Variants in LRMDA observed in about 807,000 individuals in gnomAD.
LRMDA encodes the protein leucine rich melanocyte differentiation associated.
LRMDA carries 18 observed loss-of-function variants against 29.8 expected under a neutral mutation model. The ratio of observed to expected loss-of-function variants is 0.60; its 90% CI spans 0.42 to 0.90. The LOEUF is 0.90. Ranked by LOEUF, LRMDA falls within the 40% of genes least tolerant of loss-of-function variation. The probability of loss-of-function intolerance (pLI) is 0.00; values close to 1 mark genes in which losing one functional copy is unlikely to be tolerated. For synonymous variants in LRMDA, 125 were observed against 109.4 expected, an observed-to-expected ratio of 1.14 and a Z score of -0.89; for missense variants, 273 against 273.9, an observed-to-expected ratio of 1.00 and a Z score of 0.02.
chr10:76,321,932 G>A (rs1840776520), intron 5 of LRMDA, among the ~76,000 whole-genome samples: 1 of 148,878 alleles, frequency 6.7e-6, no homozygotes, highest in African/African-American at 2.6e-5. Flanking sequence ...GCAAGAGAGT[G>A]AGATTCTGTC....
At chr10:76,373,249 CCTT>C (rs1422699982) in intron 6 of LRMDA, among the ~76,000 whole-genome samples, 2 of 152,030 alleles carry the variant, frequency 1.3e-5, no homozygotes, top group Non-Finnish European at 2.9e-5. Context: ...AAGCTTAATT[CCTT>C]CTTAGTAGAA....
intron 6 of LRMDA, among the ~76,000 whole-genome samples, chr10:76,369,561 A>T (rs1841429340): frequency 6.6e-6 from 1 of 152,072 alleles, no homozygotes; most frequent in South Asian, 2.1e-4. Flanking sequence ...CTTCATCTTA[A>T]ATTTGGATAA....
intron 2 of LRMDA, among the ~76,000 whole-genome samples, chr10:75,855,138 G>A (rs201226738): frequency 5.3e-5 from 8 of 152,242 alleles, no homozygotes; most frequent in South Asian, 2.1e-4. Flanking sequence ...CTGAGGAATC[G>A]CCAGACTGAC....
chr10:76,059,499 T>C (rs1848670306), intron 5 of LRMDA, among the ~76,000 whole-genome samples: 1 of 152,212 alleles, frequency 6.6e-6, no homozygotes. Flanking sequence ...TTGGGAGTCC[T>C]TCAGTGAAGC....
chr10:75,900,137 C>T (rs969408007), intron 2 of LRMDA, among the ~76,000 whole-genome samples: 3 of 152,120 alleles, frequency 2.0e-5, no homozygotes, highest in Admixed American at 1.3e-4. Flanking sequence ...ATACCAGAAG[C>T]GGACATATTT....
chr10:76,218,489 G>A (rs796402489), intron 5 of LRMDA, among the ~76,000 whole-genome samples: 2 of 152,326 alleles, frequency 1.3e-5, no homozygotes, highest in African/African-American at 4.8e-5. Flanking sequence ...GTAAGAAATT[G>A]TTTAAATAAA....
At chr10:75,449,119 T>A (rs528633152) in intron 2 of LRMDA, among the ~76,000 whole-genome samples, 1 of 131,468 alleles carries the variant, frequency 7.6e-6, no homozygotes, top group Admixed American at 9.4e-5. Context: ...GCCACTGCAC[T>A]CCAGCCTGGG....
chr10:76,533,711 T>G (rs973600476), intron 6 of LRMDA, among the ~76,000 whole-genome samples: 7 of 152,226 alleles, frequency 4.6e-5, no homozygotes, highest in Admixed American at 4.6e-4. Context: ...GCATTGCCAG[T>G]TATTTAAGTA....
intron 5 of LRMDA, among the ~76,000 whole-genome samples, chr10:76,207,507 T>G: frequency 6.6e-6 from 1 of 152,164 alleles, no homozygotes; most frequent in Middle Eastern, 3.2e-3. Context: ...TATTTTTGGT[T>G]GGGGGATGGG....
chr10:75,519,577 T>A (rs1007261925), intron 2 of LRMDA, among the ~76,000 whole-genome samples: 3 of 152,254 alleles, frequency 2.0e-5, no homozygotes, highest in Non-Finnish European at 4.4e-5. Flanking sequence ...TGTGTGTCTC[T>A]GCACTTGAGA....
chr10:76,053,416 T>C (rs1026515271), intron 4 of LRMDA, among the ~76,000 whole-genome samples: 1 of 152,224 alleles, frequency 6.6e-6, no homozygotes, highest in African/African-American at 2.4e-5. Flanking sequence ...AAAGAGATTT[T>C]GGTGCAACAA....
At chr10:76,395,593 C>T (rs896623292) in intron 6 of LRMDA, among the ~76,000 whole-genome samples, 2 of 152,182 alleles carry the variant, frequency 1.3e-5, no homozygotes, top group Non-Finnish European at 2.9e-5. Flanking sequence ...TGAATTAGAG[C>T]CATTTGTGTT....
intron 2 of LRMDA, among the ~76,000 whole-genome samples, chr10:75,535,791 G>T (rs1046515057): frequency 2.6e-5 from 4 of 152,180 alleles, no homozygotes; most frequent in Non-Finnish European, 4.4e-5. Flanking sequence ...TCTGCCTCAG[G>T]TTCCGGATGC....
intron 2 of LRMDA, among the ~76,000 whole-genome samples, chr10:75,870,259 T>C (rs752710334): frequency 1.3e-5 from 2 of 152,246 alleles, no homozygotes; most frequent in Non-Finnish European, 1.5e-5. Context: ...CATTTTGGTA[T>C]TGCCTGTGAC....
intron 6 of LRMDA, among the ~76,000 whole-genome samples, chr10:76,465,397 C>T (rs1842554327): frequency 6.6e-6 from 1 of 152,176 alleles, no homozygotes; most frequent in Admixed American, 6.5e-5. Flanking sequence ...GCCTCCTGCT[C>T]CACTGCCTTT....
rs112711258 is a variant in LRMDA at position 76,054,193 on chromosome 10, C to T, written c.399-4473C>T. Among the ~76,000 whole-genome samples, 411 of 152,144 alleles carry T rather than the reference C, an allele frequency of 2.7e-3. 5 individuals carry two copies. Among genetic ancestry groups the T allele is most frequent in the African/African-American group, 9.5e-3 (394 of 41,506 alleles). On this transcript the variant is annotated intron_variant, in intron 4 of 6. Coordinates refer to ENST00000611255, the MANE Select transcript of LRMDA (RefSeq NM_001305581.2). ...ACATCTCTATGGAGGAACTTTGGAC[C>T]CTGGGCTGAATCTCAGATGGAACTA...
chr10:76,427,881 G>C (rs1024620072), intron 6 of LRMDA, among the ~76,000 whole-genome samples: 11 of 152,074 alleles, frequency 7.2e-5, no homozygotes, highest in Non-Finnish European at 1.3e-4. Context: ...TTTGTCTTTG[G>C]TTCTGTTTAT....
intron 5 of LRMDA, among the ~76,000 whole-genome samples, chr10:76,125,629 G>A (rs1849866823): frequency 6.6e-6 from 1 of 152,182 alleles, no homozygotes; most frequent in Non-Finnish European, 1.5e-5. Context: ...TAGGGGGAGA[G>A]GCTCCCAAAA....
At chr10:76,363,140 A>AGAAG (rs1841333706) in intron 6 of LRMDA, among the ~76,000 whole-genome samples, 1 of 32,834 alleles carries the variant, frequency 3.0e-5, no homozygotes, top group Non-Finnish European at 6.4e-5. Flanking sequence ...AAAGAAAGAA[A>AGAAG]GAAAGAAAGA....
Sources: allele counts gnomAD v4.1 joint callset (sites outside exome capture counted in the v4.1 genomes callset), GRCh38; gene constraint gnomAD v4.1.1; transcripts MANE v1.5; gene names NCBI Gene and HGNC (gene_info 2026-07-23, HGNC 2026-07-21).